Variants in KIAA1671 observed in about 807,000 individuals in gnomAD.
KIAA1671 encodes KIAA1671, also known as uncharacterized protein KIAA1671.
KIAA1671 carries 52 observed loss-of-function variants against 131.2 expected under a neutral mutation model. The ratio of observed to expected loss-of-function variants is 0.40; its 90% CI spans 0.32 to 0.50. KIAA1671 has a LOEUF of 0.50. KIAA1671 is among the 20% of genes least tolerant of loss of function. KIAA1671 has a pLI of 0.73. For synonymous variants in KIAA1671, 1,003 were observed against 961.6 expected, an observed-to-expected ratio of 1.04 and a Z score of -0.80; for missense variants, 2,360 against 2,364.2, an observed-to-expected ratio of 1.00 and a Z score of 0.04.
chr22:25,045,644 C>T (rs1371772148), intron 5 of KIAA1671, among the ~76,000 whole-genome samples: 1 of 152,166 alleles, frequency 6.6e-6, no homozygotes, highest in Non-Finnish European at 1.5e-5. Context: ...GGCTGGAGTG[C>T]AGTGGCAGGA....
chr22:25,032,370 C>T (rs1926341041), intron 3 of KIAA1671, among the ~76,000 whole-genome samples: 1 of 152,196 alleles, frequency 6.6e-6, no homozygotes, highest in Non-Finnish European at 1.5e-5. Flanking sequence ...CAAGCTCCCC[C>T]AGTGAAGAGG....
intron 6 of KIAA1671, among the ~76,000 whole-genome samples, chr22:25,093,762 C>CTG (rs1568951140): frequency 1.1e-4 from 12 of 112,744 alleles, no homozygotes; most frequent in South Asian, 3.1e-4. Context: ...CTCTCTCTCT[C>CTG]TCTCTGTCTC....
At chr22:25,073,373 ATTT>A (rs1187976848) in intron 6 of KIAA1671, among the ~76,000 whole-genome samples, 3 of 151,324 alleles carry the variant, frequency 2.0e-5, no homozygotes, top group African/African-American at 7.3e-5. Flanking sequence ...CAGCCTGCAA[ATTT>A]TTAAAGTTTT....
At chr22:24,962,172 G>A (rs542110017) in intron 1 of KIAA1671, among the ~76,000 whole-genome samples, 1 of 152,294 alleles carries the variant, frequency 6.6e-6, no homozygotes, top group Non-Finnish European at 1.5e-5. Flanking sequence ...AGTAGAGTGA[G>A]AGAACGCAGC....
intron 6 of KIAA1671, among the ~76,000 whole-genome samples, chr22:25,077,722 T>A (rs1239460122): frequency 1.3e-5 from 2 of 152,188 alleles, no homozygotes; most frequent in African/African-American, 4.8e-5. Context: ...GAAATCACTG[T>A]GGTTTTCATT....
Position 25,029,285 on chromosome 22 carries a change from G to T in KIAA1671, c.1286G>T (p.Gly429Val). ...RVADGEAAAGGEWASRRSVRK... is the reference protein window; with the variant it reads ...RVADGEAAAGVEWASRRSVRK... ...GCGGATGGGGAGGCCGCGGCAGGGGGAGAGTGGGCCTCCAGGAGGAGTGTC... is the reference window on the plus strand; with the variant it reads ...GCGGATGGGGAGGCCGCGGCAGGGGTAGAGTGGGCCTCCAGGAGGAGTGTC... The change falls in exon 3 of 13, where the codon GGA becomes GTA. Residue 429 changes from glycine to valine, a missense_variant. Around this residue, in one of 3 missense-constraint regions of KIAA1671, gnomAD observed 1,185 missense variants for 1,126.2 expected, o/e 1.05. Coordinates refer to ENST00000358431, the MANE Select transcript of KIAA1671 (RefSeq NM_001145206.2). The T allele has an allele frequency of 6.6e-7, 1 of 1,516,266 alleles. No individual in the cohort carries two copies. The allele number at this position is 1,516,266 out of a possible 1,614,324, so 93.9% of individuals were successfully genotyped here. A position where few individuals can be genotyped will look rare whatever the true frequency, so the allele number is the denominator to read the frequency against.
At chr22:25,101,366 C>T (rs902476023) in intron 6 of KIAA1671, among the ~76,000 whole-genome samples, 3 of 152,234 alleles carry the variant, frequency 2.0e-5, no homozygotes, top group Non-Finnish European at 2.9e-5. Flanking sequence ...CCAGGCAGGG[C>T]CACATGGCAG....
chr22:25,019,975 G>A (rs1925574084), intron 1 of KIAA1671, among the ~76,000 whole-genome samples: 1 of 152,150 alleles, frequency 6.6e-6, no homozygotes, highest in South Asian at 2.1e-4. Flanking sequence ...CCTGTGGTAT[G>A]TTCTTGCTGT....
chr22:24,959,865 C>T (rs1361800684), intron 1 of KIAA1671, among the ~76,000 whole-genome samples: 1 of 151,742 alleles, frequency 6.6e-6, no homozygotes, highest in Non-Finnish European at 1.5e-5. Flanking sequence ...CGGCCGGGCG[C>T]GGTGGCTCAC....
intron 12 of KIAA1671, 147 bp downstream of exon 12, chr22:25,190,931 C>T: frequency 1.6e-6 from 1 of 625,768 alleles, no homozygotes; most frequent in East Asian, 2.8e-5. Context: ...GGGGGGTGTT[C>T]TGAGTTCCTG....
chr22:25,128,109 G>C (rs11705519), intron 6 of KIAA1671, among the ~76,000 whole-genome samples: 43,063 of 151,968 alleles, frequency 0.28, 6,192 homozygotes, highest in Middle Eastern at 0.3. Context: ...CTCAAACTTG[G>C]GTGGGCATCA....
rs565419767 is a variant in KIAA1671 at position 25,193,305 on chromosome 22, C to T, written c.*904C>T. The stretch of plus-strand genomic sequence containing the variant: ...TCTGGTTTCGGTAGGGTGACCTTTG[C>T]CCCTTGGCCTTAAGGGTTCATAAAC... On this transcript the variant is annotated 3_prime_UTR_variant, in exon 13 of 13. Transcript: ENST00000358431. 1 of 152,262 alleles carries T rather than the reference C, an allele frequency of 6.6e-6. No homozygotes were observed. Among genetic ancestry groups the T allele is most frequent in the African/African-American group, 2.4e-5 (1 of 41,542 alleles). The allele number at this position is 152,262 out of a possible 1,614,324, so 9.4% of individuals were successfully genotyped here. A position where few individuals can be genotyped will look rare whatever the true frequency, so the allele number is the denominator to read the frequency against.
At chr22:25,007,190 A>G (rs1453586867) in intron 1 of KIAA1671, among the ~76,000 whole-genome samples, 1 of 152,066 alleles carries the variant, frequency 6.6e-6, no homozygotes, top group Admixed American at 6.6e-5. Flanking sequence ...CTGGAGTTAC[A>G]AGGTCTGCTA....
chr22:24,979,569 T>A (rs1415236744), intron 1 of KIAA1671, among the ~76,000 whole-genome samples: 1 of 148,028 alleles, frequency 6.8e-6, no homozygotes, highest in African/African-American at 2.5e-5. Context: ...CAAGATGGTC[T>A]CGATCTCCTG....
intron 1 of KIAA1671, among the ~76,000 whole-genome samples, chr22:25,021,351 G>A (rs1050376345): frequency 2.6e-5 from 4 of 152,144 alleles, no homozygotes; most frequent in African/African-American, 4.8e-5. Context: ...GAGACATTGC[G>A]CCTGGCCAGA....
chr22:24,959,730 C>T (rs906793934), intron 1 of KIAA1671, among the ~76,000 whole-genome samples: 1 of 152,162 alleles, frequency 6.6e-6, no homozygotes, highest in African/African-American at 2.4e-5. Context: ...CAAGGTGAGA[C>T]AAGTAAGCAA....
chr22:25,123,194 T>G (rs1040396466), intron 6 of KIAA1671, among the ~76,000 whole-genome samples: 2 of 90,310 alleles, frequency 2.2e-5, no homozygotes, highest in Non-Finnish European at 4.9e-5. Context: ...GATGAGGTTT[T>G]TTTTTTTTTT....
Position 25,027,964 on chromosome 22 carries a change from G to A in KIAA1671, c.-36G>A, listed in dbSNP as rs11912058. 4,854 of 1,411,648 alleles carry A rather than the reference G, an allele frequency of 3.4e-3. 136 individuals are homozygous for A. In the African/African-American group the frequency reaches 0.064, roughly 18 times the overall value. The allele number at this position is 1,411,648 out of a possible 1,614,324, so 87.4% of individuals were successfully genotyped here. A position where few individuals can be genotyped will look rare whatever the true frequency, so the allele number is the denominator to read the frequency against. ...GTTTAGCAATTGCTTCTCCATTCTT[G>A]AAGTTCCTAACCCCCATGAATCCAC... On this transcript the variant is annotated 5_prime_UTR_variant, in exon 3 of 13. The change abolishes the stop of an existing upstream ORF in the 5' untranslated region. Transcript: ENST00000358431.
At chr22:24,980,531 T>C (rs758963855) in intron 1 of KIAA1671, among the ~76,000 whole-genome samples, 14 of 151,628 alleles carry the variant, frequency 9.2e-5, no homozygotes, top group Non-Finnish European at 1.6e-4. Flanking sequence ...TGGCCTCCCA[T>C]AGTGCTAGGA....
Sources: allele counts gnomAD v4.1 joint callset (sites outside exome capture counted in the v4.1 genomes callset), GRCh38; gene constraint gnomAD v4.1.1; regional missense constraint gnomAD v4.1.1; transcripts MANE v1.5; gene names NCBI Gene and HGNC (gene_info 2026-07-23, HGNC 2026-07-21).